The following DYM variants were observed in gnomAD, a reference collection of about 807,000 sequenced individuals.
DYM encodes dymeclin.
DYM carries 78 observed loss-of-function variants against 93.1 expected under a neutral mutation model. The ratio of observed to expected loss-of-function variants is 0.84; its 90% CI spans 0.70 to 1.01. The LOEUF (loss-of-function observed/expected upper bound fraction) is 1.01. DYM is among the 50% of genes least tolerant of loss of function. The pLI is 0.00. For synonymous variants in DYM, 321 were observed against 319.7 expected (o/e 1.00, Z -0.04); for missense variants, 789 against 845.0 (o/e 0.93, Z 0.82).
chr18:49,187,268 A>T (rs2090538580), intron 14 of DYM, among the ~76,000 whole-genome samples: 1 of 152,120 alleles, frequency 6.6e-6, no homozygotes, highest in African/African-American at 2.4e-5. Context: ...TCATGGGGAA[A>T]ATGGGTGAAG....
At chr18:49,446,696 TCAA>T (rs1452492984) in intron 1 of DYM, among the ~76,000 whole-genome samples, 1 of 152,276 alleles carries the variant, frequency 6.6e-6, no homozygotes, top group South Asian at 2.1e-4. Flanking sequence ...TACGGATACA[TCAA>T]CAAGAAATGT....
At chr18:49,434,346 C>CAAAAAAAAAAAAAAAAAAA (rs60975784) in intron 1 of DYM, among the ~76,000 whole-genome samples, 1 of 134,642 alleles carries the variant, frequency 7.4e-6, no homozygotes, top group Non-Finnish European at 1.6e-5. Context: ...GACTCCATCT[C>CAAAAAAAAAAAAAAAAAAA]AAAAAAAAAA....
chr18:49,313,534 A>ACAT (rs1199381915), intron 8 of DYM, among the ~76,000 whole-genome samples: 1 of 150,786 alleles, frequency 6.6e-6, no homozygotes, highest in Admixed American at 6.6e-5. Flanking sequence ...ACCTGTCAAG[A>ACAT]CATCACCCTA....
At chr18:49,080,335 G>A (rs1253961002) in intron 17 of DYM, among the ~76,000 whole-genome samples, 9 of 137,048 alleles carry the variant, frequency 6.6e-5, no homozygotes, top group South Asian at 2.5e-4. Context: ...CGGGCGGGGG[G>A]CTGACCCCCC....
At chr18:49,345,277 C>G (rs1055642182) in intron 6 of DYM, among the ~76,000 whole-genome samples, 1 of 152,076 alleles carries the variant, frequency 6.6e-6, no homozygotes, top group Non-Finnish European at 1.5e-5. Flanking sequence ...GCATATATCT[C>G]TTCTTCTGGT....
At chr18:49,454,966 CCTCTCT>C (rs372791718) in intron 1 of DYM, among the ~76,000 whole-genome samples, 1 of 143,930 alleles carries the variant, frequency 6.9e-6, no homozygotes, top group Non-Finnish European at 1.5e-5. Context: ...CTTTTTTGGA[CCTCTCT>C]CTCTCTCTCT....
chr18:49,059,887 G>A (rs2075813706), intron 17 of DYM, among the ~76,000 whole-genome samples: 1 of 152,020 alleles, frequency 6.6e-6, no homozygotes, highest in Non-Finnish European at 1.5e-5. Context: ...GTTAATTCTG[G>A]ACATTATATA....
intron 8 of DYM, among the ~76,000 whole-genome samples, chr18:49,293,102 T>C (rs2060272513): frequency 6.6e-6 from 1 of 152,182 alleles, no homozygotes; most frequent in African/African-American, 2.4e-5. Flanking sequence ...CTGTGTTAAT[T>C]TGCTGAGAAT....
At chr18:49,316,384 T>C (rs2061941945) in intron 8 of DYM, among the ~76,000 whole-genome samples, 1 of 152,210 alleles carries the variant, frequency 6.6e-6, no homozygotes, top group Admixed American at 6.5e-5. Context: ...TGGCTTATTT[T>C]GTAAAACTGA....
intron 2 of DYM, 119 bp downstream of exon 2, chr18:49,430,136 T>C (rs768758983): frequency 3.0e-6 from 3 of 994,478 alleles, no homozygotes; most frequent in East Asian, 2.4e-5. Flanking sequence ...TACTGATCTA[T>C]GTATGACAGA....
At chr18:49,104,195 A>C (rs917382664) in intron 16 of DYM, among the ~76,000 whole-genome samples, 16 of 152,130 alleles carry the variant, frequency 1.1e-4, no homozygotes, top group Non-Finnish European at 2.1e-4. Context: ...GAGTTCACTC[A>C]TGATTTGGCT....
At chr18:49,455,092 C>G (rs1045974905) in intron 1 of DYM, among the ~76,000 whole-genome samples, 2 of 152,092 alleles carry the variant, frequency 1.3e-5, no homozygotes, top group Non-Finnish European at 2.9e-5. Context: ...AGGCTTGACG[C>G]TTTACAGAGA....
At chr18:49,221,537 A>G (rs1346286416) in intron 13 of DYM, among the ~76,000 whole-genome samples, 1 of 152,196 alleles carries the variant, frequency 6.6e-6, no homozygotes, top group African/African-American at 2.4e-5. Flanking sequence ...CTGGATTAAG[A>G]AAATGTGGCA....
chr18:49,411,635 G>A (rs961757388), intron 2 of DYM, among the ~76,000 whole-genome samples: 1 of 152,130 alleles, frequency 6.6e-6, no homozygotes, highest in East Asian at 1.9e-4. Context: ...TGGGGGAGAA[G>A]TTATAACAGA....
intron 1 of DYM, among the ~76,000 whole-genome samples, chr18:49,453,589 C>T (rs143583860): frequency 7.2e-4 from 109 of 152,210 alleles, no homozygotes; most frequent in African/African-American, 2.3e-3. Flanking sequence ...CGTGAGGGTC[C>T]GTGGCTTCAT....
intron 8 of DYM, among the ~76,000 whole-genome samples, chr18:49,310,083 C>T (rs895423977): frequency 6.6e-6 from 1 of 152,116 alleles, no homozygotes; most frequent in African/African-American, 2.4e-5. Context: ...TAGAAATTCA[C>T]TATATTGGAT....
Position 49,379,672 on chromosome 18 carries a change from A to T in DYM, c.280T>A (p.Cys94Ser). The change falls in exon 4 of 18, where the codon TGT (cysteine) becomes AGT (serine). Residue 94 changes from cysteine to serine, a missense_variant. Around this residue, in one of 3 missense-constraint regions of DYM, gnomAD observed 450 missense variants for 436.2 expected, o/e 1.03. Transcript: ENST00000675505. ...TTTAATTAGCCAGCTTACTTCTGAC[A>T]TTCTGCTGAAAGTTTTAGTTCTTTG... ...RTKELKLSAECQNHIFIWQTH... is the reference protein window; with the variant it reads ...RTKELKLSAESQNHIFIWQTH... 1 of 1,611,018 alleles carries T rather than the reference A, an allele frequency of 6.2e-7. No individual in the cohort carries two copies. Among genetic ancestry groups the T allele is most frequent in the Non-Finnish European group, 8.5e-7 (1 of 1,177,350 alleles).
At chr18:49,204,832 G>A (rs2092385128) in intron 14 of DYM, among the ~76,000 whole-genome samples, 1 of 152,200 alleles carries the variant, frequency 6.6e-6, no homozygotes, top group Non-Finnish European at 1.5e-5. Flanking sequence ...TCAAATCCAA[G>A]GTTGGTAGTT....
intron 14 of DYM, among the ~76,000 whole-genome samples, chr18:49,206,265 T>C (rs985762084): frequency 6.6e-6 from 1 of 152,162 alleles, no homozygotes; most frequent in Non-Finnish European, 1.5e-5. Context: ...CCCAAAGTGC[T>C]GGTATTACAG....
Sources: gnomAD v4.1 joint callset for allele counts (sites outside exome capture counted in the v4.1 genomes callset) on GRCh38, gnomAD v4.1.1 for gene constraint, gnomAD v4.1.1 regional missense constraint, MANE v1.5 for transcripts, NCBI Gene and HGNC (gene_info 2026-07-23, HGNC 2026-07-21) for gene names.